LINC00305: variants seen among roughly 807,000 people sequenced by gnomAD.
LINC00305 encodes the protein long intergenic non-protein coding RNA 305.
In LINC00305 at chr18:64,117,382, G is replaced by A. The variant is rs186219026; in HGVS notation, n.315-18742C>T. Among the ~76,000 whole-genome samples, 11 of 152,286 alleles carry A rather than the reference G, an allele frequency of 7.2e-5. No individual in the cohort carries two copies. The East Asian group carries it at 2.1e-3, about 29-fold the overall frequency. ...ATCTCTGCTTTGCAGATAAGATAGG[G>A]TAGAGAGGTTACCCATCATACTCCA... is the stretch of plus-strand genomic sequence containing the variant. On this transcript the variant is annotated intron_variant and non_coding_transcript_variant, in intron 1 of 3. Coordinates refer to ENST00000666468, the Ensembl canonical transcript of LINC00305.
At chr18:64,100,740 C>T (rs750622535) in intron 1 of LINC00305, among the ~76,000 whole-genome samples, 10 of 152,146 alleles carry the variant, frequency 6.6e-5, no homozygotes, top group Non-Finnish European at 1.5e-4. Flanking sequence ...TTGAGAGACT[C>T]GTGCACCTGT....
At chr18:64,122,836 T>C (rs2051368142) in intron 1 of LINC00305, among the ~76,000 whole-genome samples, 1 of 152,088 alleles carries the variant, frequency 6.6e-6, no homozygotes, top group African/African-American at 2.4e-5. Context: ...GAGATGTTTT[T>C]CCATTTGTTT....
chr18:64,091,739 C>T (rs2051225642), intron 3 of LINC00305, among the ~76,000 whole-genome samples: 1 of 152,164 alleles, frequency 6.6e-6, no homozygotes, highest in African/African-American at 2.4e-5. Context: ...TATATTTAGA[C>T]ATATCTGAAA....
chr18:64,147,298 G>C (rs1488639706), intron 1 of LINC00305: 2 of 152,106 alleles, frequency 1.3e-5, no homozygotes, highest in Non-Finnish European at 2.9e-5. Context: ...GGCAACATAA[G>C]AATTTTAGCC....
At chr18:64,134,034 G>T (rs905938747) in intron 1 of LINC00305, among the ~76,000 whole-genome samples, 14 of 152,124 alleles carry the variant, frequency 9.2e-5, no homozygotes, top group African/African-American at 3.4e-4. Flanking sequence ...AGTTTTTAAG[G>T]TATTAAACAT....
intron 1 of LINC00305, among the ~76,000 whole-genome samples, chr18:64,118,981 T>C (rs2051350021): frequency 6.6e-6 from 1 of 151,960 alleles, no homozygotes; most frequent in African/African-American, 2.4e-5. Context: ...ACTCACTGAC[T>C]TGTACAGCAA....
chr18:64,125,631 C>CTATT (rs1270533484), intron 1 of LINC00305, among the ~76,000 whole-genome samples: 1 of 151,752 alleles, frequency 6.6e-6, no homozygotes, highest in African/African-American at 2.4e-5. Context: ...TGTCTTAAAT[C>CTATT]TATCTTTCTG....
At chr18:64,114,618 G>A (rs2051329713) in intron 1 of LINC00305, among the ~76,000 whole-genome samples, 1 of 152,162 alleles carries the variant, frequency 6.6e-6, no homozygotes, top group African/African-American at 2.4e-5. Context: ...CCGCGATCTT[G>A]GCTCACTTCA....
At chr18:64,102,800 T>C (rs1568107420) in intron 1 of LINC00305, among the ~76,000 whole-genome samples, 3 of 152,160 alleles carry the variant, frequency 2.0e-5, no homozygotes, top group Non-Finnish European at 4.4e-5. Context: ...ATATTTTAAC[T>C]ACCAGATCTC....
intron 3 of LINC00305, among the ~76,000 whole-genome samples, chr18:64,088,283 C>A (rs1026354990): frequency 6.6e-6 from 1 of 152,194 alleles, no homozygotes; most frequent in Non-Finnish European, 1.5e-5. Flanking sequence ...TTTCATATGA[C>A]CTTGCTGGCC....
chr18:64,143,415 A>G (rs1005328548), intron 1 of LINC00305, among the ~76,000 whole-genome samples: 7 of 151,324 alleles, frequency 4.6e-5, no homozygotes, highest in Non-Finnish European at 2.9e-5. Context: ...GTATATATAT[A>G]TATGTGTATA....
intron 1 of LINC00305, among the ~76,000 whole-genome samples, chr18:64,142,965 AACT>A (rs1319472282): frequency 6.6e-6 from 1 of 152,188 alleles, no homozygotes; most frequent in African/African-American, 2.4e-5. Context: ...ACAGAATAGA[AACT>A]ACAATTCATT....
intron 1 of LINC00305, among the ~76,000 whole-genome samples, chr18:64,129,396 A>T (rs1387390714): frequency 6.6e-6 from 1 of 152,106 alleles, no homozygotes; most frequent in African/African-American, 2.4e-5. Context: ...ATAGGTTTTT[A>T]AAAAATCATA....
chr18:64,094,531 G>A (rs535812584), intron 3 of LINC00305, among the ~76,000 whole-genome samples: 21 of 152,224 alleles, frequency 1.4e-4, no homozygotes, highest in African/African-American at 4.3e-4. Flanking sequence ...AGCTGGTGGT[G>A]AGCCAGGCAT....
intron 1 of LINC00305, among the ~76,000 whole-genome samples, chr18:64,135,867 C>T (rs1404534190): frequency 6.6e-6 from 1 of 152,194 alleles, no homozygotes; most frequent in African/African-American, 2.4e-5. Context: ...GCATGAGCCA[C>T]TGTGCCTGGC....
intron 1 of LINC00305, among the ~76,000 whole-genome samples, chr18:64,106,765 C>T (rs919100237): frequency 4.1e-4 from 63 of 151,988 alleles, no homozygotes; most frequent in African/African-American, 1.4e-3. Context: ...GCAGGAACAA[C>T]TGGAATTAGA....
intron 1 of LINC00305, among the ~76,000 whole-genome samples, chr18:64,142,608 C>T (rs954358183): frequency 6.6e-6 from 1 of 152,162 alleles, no homozygotes; most frequent in African/African-American, 2.4e-5. Flanking sequence ...CATCTCAGAG[C>T]AGCCCTCATG....
chr18:64,132,484 T>G (rs1379956230), intron 1 of LINC00305, among the ~76,000 whole-genome samples: 1 of 152,164 alleles, frequency 6.6e-6, no homozygotes, highest in Non-Finnish European at 1.5e-5. Context: ...TACGTCACCT[T>G]GTATAAACCT....
chr18:64,145,956 GA>G (rs1171072155), intron 1 of LINC00305, among the ~76,000 whole-genome samples: 1 of 152,030 alleles, frequency 6.6e-6, no homozygotes, highest in Non-Finnish European at 1.5e-5. Flanking sequence ...ATAGATTGCA[GA>G]CAAAGCTGTT....
Sources: allele counts gnomAD v4.1 joint callset (sites outside exome capture counted in the v4.1 genomes callset), GRCh38; gene constraint gnomAD v4.1.1; transcripts MANE v1.5; gene names NCBI Gene and HGNC (gene_info 2026-07-23, HGNC 2026-07-21).